The following PTPRG variants were observed in gnomAD, a reference collection of about 807,000 sequenced individuals.
PTPRG encodes the protein receptor-type tyrosine-protein phosphatase gamma.
In PTPRG, 102 loss-of-function variants were observed where a neutral mutation model predicts 165.3. The ratio of observed to expected loss-of-function variants is 0.62; its 90% CI spans 0.53 to 0.73. The LOEUF (loss-of-function observed/expected upper bound fraction) is 0.73, where lower values mean the gene tolerates loss of function less well. Among genes scored for constraint, PTPRG ranks in the 30% least tolerant of loss-of-function variants. PTPRG has a pLI of 0.00. For missense variants in PTPRG, 1,866 were observed against 1,861.4 expected (o/e 1.00, Z -0.05); for synonymous variants, 675 against 669.5 (o/e 1.01, Z -0.13).
At chr3:61,837,255 C>G (rs773783171) in intron 2 of PTPRG, among the ~76,000 whole-genome samples, 2 of 152,160 alleles carry the variant, frequency 1.3e-5, no homozygotes, top group African/African-American at 2.4e-5. Context: ...GCCATGTTGG[C>G]CAGGCTGGTC....
intron 1 of PTPRG, among the ~76,000 whole-genome samples, chr3:61,628,612 G>A (rs1575548770): frequency 6.6e-6 from 1 of 152,106 alleles, no homozygotes; most frequent in Non-Finnish European, 1.5e-5. Flanking sequence ...GGGATTACAG[G>A]CAAGAGCCAC....
intron 26 of PTPRG, among the ~76,000 whole-genome samples, chr3:62,280,887 G>A (rs1702407383): frequency 6.6e-6 from 1 of 151,868 alleles, no homozygotes; most frequent in African/African-American, 2.4e-5. Flanking sequence ...AAATCAAGAG[G>A]ATACAAAACA....
chr3:62,130,898 T>C (rs534538317), intron 5 of PTPRG, among the ~76,000 whole-genome samples: 1 of 152,246 alleles, frequency 6.6e-6, no homozygotes, highest in South Asian at 2.1e-4. Context: ...CTCCCAGAAT[T>C]CCACCTTTAT....
intron 1 of PTPRG, among the ~76,000 whole-genome samples, chr3:61,575,606 T>G (rs1464999183): frequency 6.7e-6 from 1 of 149,796 alleles, no homozygotes; most frequent in Non-Finnish European, 1.5e-5. Context: ...AACTTTTTTT[T>G]TTTTTTTTTT....
chr3:61,781,994 G>C (rs1159100604), intron 2 of PTPRG, among the ~76,000 whole-genome samples: 15 of 150,258 alleles, frequency 1.0e-4, no homozygotes, highest in African/African-American at 3.7e-4. Context: ...ACCTCCCACC[G>C]ATCTTTTGTT....
At chr3:61,649,632 G>A (rs574259393) in intron 1 of PTPRG, among the ~76,000 whole-genome samples, 8 of 152,150 alleles carry the variant, frequency 5.3e-5, no homozygotes, top group East Asian at 1.9e-4. Context: ...CAACACCTAC[G>A]TTTTGGAGGA....
At chr3:62,047,078 C>G (rs181317908) in intron 4 of PTPRG, among the ~76,000 whole-genome samples, 5 of 152,228 alleles carry the variant, frequency 3.3e-5, no homozygotes, top group Admixed American at 3.3e-4. Flanking sequence ...CCCACATTTT[C>G]TAAGTTTGCA....
chr3:62,069,027 C>A (rs950869312), intron 4 of PTPRG, among the ~76,000 whole-genome samples: 1 of 152,204 alleles, frequency 6.6e-6, no homozygotes, highest in Non-Finnish European at 1.5e-5. Flanking sequence ...CAGTGAATGC[C>A]ACACACTGGT....
intron 6 of PTPRG, among the ~76,000 whole-genome samples, chr3:62,147,686 G>C (rs1576063023): frequency 1.3e-5 from 2 of 152,188 alleles, no homozygotes; most frequent in South Asian, 4.1e-4. Context: ...TACTGTGCTT[G>C]TTTGTTTCTT....
intron 8 of PTPRG, among the ~76,000 whole-genome samples, chr3:62,177,943 G>A (rs1267255379): frequency 6.6e-6 from 1 of 151,716 alleles, no homozygotes; most frequent in East Asian, 1.9e-4. Flanking sequence ...CATAAGTTCT[G>A]TGAGGGGTGA....
chr3:61,670,683 G>C (rs970441482), intron 1 of PTPRG, among the ~76,000 whole-genome samples: 2 of 152,116 alleles, frequency 1.3e-5, no homozygotes, highest in Admixed American at 1.3e-4. Flanking sequence ...AAAATCTCTC[G>C]CAGTCCCCCG....
In PTPRG at chr3:62,073,236, G is replaced by T. The variant is rs150455114; in HGVS notation, c.520-4927G>T. ...GCCAGTAATGAATATAGAAGGAATG[G>T]TGGAGTTAGAAAGTCACCCAAGGAT... is the stretch of plus-strand genomic sequence containing the variant. On this transcript the variant is annotated intron_variant, in intron 4 of 29. Coordinates refer to ENST00000474889, the MANE Select transcript of PTPRG (RefSeq NM_002841.4). 2.0e-5 allele frequency among the ~76,000 whole-genome samples: 3 copies of T among 152,296 alleles called. No individual in the cohort carries two copies. The East Asian group carries it at 5.8e-4, about 29-fold the overall frequency.
intron 2 of PTPRG, among the ~76,000 whole-genome samples, chr3:61,787,431 T>C (rs11708109): frequency 0.4 from 60,555 of 152,116 alleles, 12,614 homozygotes; most frequent in East Asian, 0.74. Flanking sequence ...TGAAAAACTT[T>C]GCTATGCTTA....
chr3:61,797,028 A>G (rs2035067853), intron 2 of PTPRG, among the ~76,000 whole-genome samples: 2 of 152,174 alleles, frequency 1.3e-5, no homozygotes, highest in African/African-American at 4.8e-5. Flanking sequence ...CAAGTGAGGG[A>G]CTGTAGGAAA....
In PTPRG at chr3:61,562,320, T is replaced by C; in HGVS notation, c.33T>C (p.Ile11=). The C allele has an allele frequency of 6.2e-7, 1 of 1,613,630 alleles. No homozygotes were observed. Among genetic ancestry groups the C allele is most frequent in the Non-Finnish European group, 8.5e-7 (1 of 1,179,652 alleles). ...GGTTACTGGAACCGTGTTGGTGGATTTTGTTCCTGAAAATCACCAGTTCCG... is the reference window on the plus strand; with the variant it reads ...GGTTACTGGAACCGTGTTGGTGGATCTTGTTCCTGAAAATCACCAGTTCCG... MRRLLEPCWW[I]LFLKITSSVL... is the part of the protein sequence containing the mutation. Residue 11 remains isoleucine (I), a synonymous_variant, in exon 1 of 30, where the codon ATT becomes ATC. Coordinates refer to ENST00000474889, the MANE Select transcript of PTPRG (RefSeq NM_002841.4).
intron 1 of PTPRG, among the ~76,000 whole-genome samples, chr3:61,695,605 A>G (rs374158471): frequency 4.5e-4 from 68 of 152,196 alleles, no homozygotes; most frequent in East Asian, 4.1e-3. Flanking sequence ...TTAATTCGGG[A>G]TTTTACAGTT....
At chr3:61,563,023 G>A (rs1014883008) in intron 1 of PTPRG, among the ~76,000 whole-genome samples, 1 of 152,076 alleles carries the variant, frequency 6.6e-6, no homozygotes, top group African/African-American at 2.4e-5. Flanking sequence ...GCAGTGAGAC[G>A]GCAGGGCGCA....
At chr3:61,565,390 A>G (rs1223693598) in intron 1 of PTPRG, among the ~76,000 whole-genome samples, 1 of 152,198 alleles carries the variant, frequency 6.6e-6, no homozygotes, top group East Asian at 1.9e-4. Flanking sequence ...ATAGCAAAAT[A>G]TAATGGATCC....
At chr3:61,983,685 C>A (rs989347288) in intron 2 of PTPRG, among the ~76,000 whole-genome samples, 1 of 151,998 alleles carries the variant, frequency 6.6e-6, no homozygotes, top group Admixed American at 6.6e-5. Context: ...TGTGAAATTC[C>A]TTGCTTTTAG....
Sources: allele counts gnomAD v4.1 joint callset (sites outside exome capture counted in the v4.1 genomes callset), GRCh38; gene constraint gnomAD v4.1.1; transcripts MANE v1.5; gene names NCBI Gene and HGNC (gene_info 2026-07-23, HGNC 2026-07-21).